The following ZNF823 variants were observed in gnomAD, a reference collection of about 807,000 sequenced individuals.
The protein encoded by ZNF823 is zinc finger protein 823, also known as ZFP 36 for a zinc finger protein.
ZNF823 carries 5 observed loss-of-function variants against 11.4 expected under a neutral mutation model. The observed-to-expected ratio is 0.44, with a 90% CI of 0.23 to 0.92. The LOEUF (loss-of-function observed/expected upper bound fraction) is 0.92, where lower values mean the gene tolerates loss of function less well. ZNF823 is among the 40% of genes least tolerant of loss of function. The pLI is 0.24. For missense variants in ZNF823, 582 were observed against 738.5 expected (o/e 0.79, Z 2.46); for synonymous variants, 234 against 250.5 (o/e 0.93, Z 0.62).
At chr19:11,731,715 A>G (rs1299116217) in intron 1 of ZNF823, among the ~76,000 whole-genome samples, 1 of 152,212 alleles carries the variant, frequency 6.6e-6, no homozygotes, top group East Asian at 1.9e-4. Context: ...CTCTGGTTCA[A>G]TAACTGGCTA....
chr19:11,735,871 C>T (rs1336432741), intron 1 of ZNF823, among the ~76,000 whole-genome samples: 5 of 152,212 alleles, frequency 3.3e-5, no homozygotes, highest in South Asian at 4.1e-4. Flanking sequence ...AGTATCTATC[C>T]GTTTCAGAAA....
In ZNF823 at chr19:11,721,431, A is replaced by G; in HGVS notation, c.*270T>C. 1 of 348,660 alleles carries G rather than the reference A, an allele frequency of 2.9e-6. No homozygotes were observed. 21.6% of individuals were successfully genotyped at this position (348,660 alleles called of 1,614,324 possible). A position where few individuals can be genotyped will look rare whatever the true frequency, so the allele number is the denominator to read the frequency against. Reference sequence around the variant, plus strand: ...TAGCTTTTACAATGCATGAGGTATTAAAAGTCATCTAGAGATGATTTACAC... The same window carrying G: ...TAGCTTTTACAATGCATGAGGTATTGAAAGTCATCTAGAGATGATTTACAC... On this transcript the variant is annotated 3_prime_UTR_variant, in exon 4 of 4. Coordinates refer to ENST00000341191, the MANE Select transcript of ZNF823 (RefSeq NM_001080493.4).
chr19:11,722,783 T>G lies in ZNF823; in HGVS notation c.751A>C (p.Lys251Gln). Residue 251 changes from lysine (K) to glutamine (Q), a missense_variant, in exon 4 of 4, where the codon AAG becomes CAG. Coordinates refer to ENST00000341191, the MANE Select transcript of ZNF823 (RefSeq NM_001080493.4). The surrounding 1 kb of genome is among the most constrained non-coding windows in gnomAD (Gnocchi z 5.2). Reference protein sequence around the residue: ...IHTGEKAYECKQCSKAFPDYS... With the variant: ...IHTGEKAYECQQCSKAFPDYS... ...TCAGGAAAGGCTTTGGAACACTGCTTACATTCATACGCTTTCTCTCCCGTG... is the reference window on the plus strand; with the variant it reads ...TCAGGAAAGGCTTTGGAACACTGCTGACATTCATACGCTTTCTCTCCCGTG... 6.2e-7 allele frequency: 1 copy of G among 1,614,186 alleles called. No homozygotes were observed. The highest frequency in any genetic ancestry group is 2.2e-5 in the East Asian group (1 of 44,884).
At chr19:11,733,220 A>C (rs557578638) in intron 1 of ZNF823, among the ~76,000 whole-genome samples, 1 of 152,050 alleles carries the variant, frequency 6.6e-6, no homozygotes, top group Non-Finnish European at 1.5e-5. Flanking sequence ...TACAAAAATT[A>C]GTTGGGCGTG....
chr19:11,731,634 C>T (rs1974896430), intron 1 of ZNF823, among the ~76,000 whole-genome samples: 1 of 152,192 alleles, frequency 6.6e-6, no homozygotes, highest in African/African-American at 2.4e-5. Context: ...CAGGCCCCCA[C>T]TGCAGATGTC....
intron 1 of ZNF823, among the ~76,000 whole-genome samples, chr19:11,737,990 A>T (rs2145055835): frequency 6.6e-6 from 1 of 152,316 alleles, no homozygotes; most frequent in East Asian, 1.9e-4. Context: ...ACGAGTCTGG[A>T]TTCTGCCTGG....
At chr19:11,726,287 CATAT>C (rs139368397) in intron 1 of ZNF823, among the ~76,000 whole-genome samples, 12,024 of 112,250 alleles carry the variant, frequency 0.11, 1,279 homozygotes, top group African/African-American at 0.25. Flanking sequence ...ATAAAAAATA[CATAT>C]ATATATATAT....
At position 11,721,421 on chromosome 19, in the gene ZNF823, A is replaced by C. The variant is rs1974675211; in HGVS notation, c.*280T>G. On this transcript the variant is annotated 3_prime_UTR_variant, in exon 4 of 4. Coordinates refer to ENST00000341191, the MANE Select transcript of ZNF823 (RefSeq NM_001080493.4). ...ACTATTTACATAGCTTTTACAATGC[A>C]TGAGGTATTAAAAGTCATCTAGAGA... 6.3e-6 allele frequency: 2 copies of C among 315,254 alleles called. No homozygotes were observed. The highest frequency in any genetic ancestry group is 7.2e-5 in the South Asian group (1 of 13,936). 19.5% of individuals were successfully genotyped at this position (315,254 alleles called of 1,614,324 possible).
At chr19:11,723,835 GCT>G (rs1974741376) in intron 3 of ZNF823, among the ~76,000 whole-genome samples, 1 of 152,136 alleles carries the variant, frequency 6.6e-6, no homozygotes, top group South Asian at 2.1e-4. Flanking sequence ...GTGAGCCACC[GCT>G]CCTGGCCCAC....
At position 11,722,241 on chromosome 19, in the gene ZNF823, A is replaced by T. The variant is rs1428956071; in HGVS notation, c.1293T>A (p.Leu431=). 6.2e-6 allele frequency: 10 copies of T among 1,613,738 alleles called. No individual in the cohort carries two copies. Among genetic ancestry groups the T allele is most frequent in the African/African-American group, 1.3e-5 (1 of 74,808 alleles). Residue 431 remains leucine (L), a synonymous_variant, in exon 4 of 4, where the codon CTT becomes CTA. Coordinates refer to ENST00000341191, the MANE Select transcript of ZNF823 (RefSeq NM_001080493.4). The surrounding 1 kb of genome is among the most constrained non-coding windows in gnomAD (Gnocchi z 5.2). The part of the protein sequence containing the change: ...CGKAFSLAGS[L]RRHEATHTGV... Reference sequence around the variant, plus strand: ...CAGTGTGAGTTGCTTCATGTCTTCGAAGGGAACCGGCAAGACTGAAGGCTT... The same window carrying T: ...CAGTGTGAGTTGCTTCATGTCTTCGTAGGGAACCGGCAAGACTGAAGGCTT...
rs1198630817 is a variant in ZNF823 at position 11,726,062 on chromosome 19, T to C, written c.4-735A>G. On this transcript the variant is annotated intron_variant, in intron 1 of 3. Coordinates refer to ENST00000341191, the MANE Select transcript of ZNF823 (RefSeq NM_001080493.4). The stretch of plus-strand genomic sequence containing the variant: ...GGGAAACATGGTGAGACCTTGTCTC[T>C]ATAAAAAATACAAAAAAAAAAAAAA... 5.3e-5 allele frequency: 6 copies of C among 114,158 alleles called. No homozygotes were observed. In the Admixed American group the frequency reaches 6.0e-4, roughly 11 times the overall value. 7.1% of individuals were successfully genotyped at this position (114,158 alleles called of 1,614,324 possible).
rs757701189 is a variant in ZNF823 at position 11,723,243 on chromosome 19, T to C, written c.291A>G (p.Pro97=). The part of the protein sequence containing the change: ...IVNKNTPRVN[P]CDSGECGEVV... ...CTTCTCCACACTCACCACTGTCACA[T>C]GGATTTACTCGAGGAGTGTTCTTGT... The change falls in exon 4 of 4, where the codon CCA becomes CCG. Residue 97 remains proline, a synonymous_variant. Transcript: ENST00000341191. 8.1e-6 allele frequency: 13 copies of C among 1,614,018 alleles called. No homozygotes were observed. The highest frequency in any genetic ancestry group is 4.0e-5 in the African/African-American group (3 of 74,946).
intron 1 of ZNF823, among the ~76,000 whole-genome samples, chr19:11,728,702 T>C (rs1974840151): frequency 6.6e-6 from 1 of 152,146 alleles, no homozygotes; most frequent in Non-Finnish European, 1.5e-5. Flanking sequence ...TAGAATCATA[T>C]AGAATGCTCA....
chr19:11,723,059 T>G lies in ZNF823; in HGVS notation c.475A>C (p.Thr159Pro). The G allele has an allele frequency of 1.2e-6, 2 of 1,614,182 alleles. No individual in the cohort carries two copies. Among genetic ancestry groups the G allele is most frequent in the Non-Finnish European group, 1.7e-6 (2 of 1,180,018 alleles). ...TTACAATCGAAGGGTTTCTTTCCGG[T>G]GGGGGGCCTTTCATGTGTCTGGAAG... ...HSFQTHERPP[T>P]GKKPFDCKEC... Residue 159 changes from threonine to proline, a missense_variant, in exon 4 of 4, where the codon ACC (threonine) becomes CCC (proline). By Grantham distance (38) the Thr-to-Pro change is conservative. Transcript: ENST00000341191.
Position 11,721,937 on chromosome 19 carries a change from C to T in ZNF823, c.1597G>A (p.Gly533Arg), listed in dbSNP as rs1378291637. 1.2e-6 allele frequency: 2 copies of T among 1,614,042 alleles called. No individual in the cohort carries two copies. Among genetic ancestry groups the T allele is most frequent in the Admixed American group, 1.7e-5 (1 of 59,988 alleles). The change falls in exon 4 of 4, where the codon GGA becomes AGA. Residue 533 changes from glycine to arginine, a missense_variant. This residue lies in a region of ZNF823 where 144 missense variants were observed against 154.3 expected (regional missense o/e 0.93). Transcript: ENST00000341191. Reference sequence around the variant, plus strand: ...CAAGTGAGCCAAGAGAATGCTTTTCCACATTCCTTACATTCATATGGCTTC... The same window carrying T: ...CAAGTGAGCCAAGAGAATGCTTTTCTACATTCCTTACATTCATATGGCTTC... ...GEKPYECKEC[G>R]KAFSWLTCLL...
rs777707856 is a variant in ZNF823 at position 11,724,322 on chromosome 19, C to T, written c.131-68G>A. On this transcript the variant is annotated intron_variant, in intron 2 of 3. Coordinates refer to ENST00000341191, the MANE Select transcript of ZNF823 (RefSeq NM_001080493.4). ...ATTATAGAAAAACTCTAAGATTTTA[C>T]GCGTACTGCAATCATGCATGATTCA... The T allele has an allele frequency of 1.1e-4, 148 of 1,397,468 alleles. 2 individuals carry two copies. The South Asian group carries it at 1.5e-3, about 14-fold the overall frequency. The allele number at this position is 1,397,468 out of a possible 1,614,324, so 86.6% of individuals were successfully genotyped here.
rs776061772 is a variant in ZNF823, at chr19:11,725,235, G to C, written c.96C>G (p.Val32=). 2.4e-5 allele frequency: 38 copies of C among 1,613,876 alleles called. No individual in the cohort carries two copies. Among genetic ancestry groups the C allele is most frequent in the East Asian group, 1.1e-4 (5 of 44,888 alleles). ...CCAGGTTCCTAATGGTTTCCTGCAT[G>C]ACATTTCTGTAGAGACTCTTCTGTG... ...GPSQKSLYRN[V]MQETIRNLDC... is the part of the protein sequence containing the mutation. The change falls in exon 2 of 4, where the codon GTC becomes GTG. Residue 32 remains valine (V), a synonymous_variant. Coordinates refer to ENST00000341191, the MANE Select transcript of ZNF823 (RefSeq NM_001080493.4).
At position 11,722,182 on chromosome 19, in the gene ZNF823, G is replaced by A; in HGVS notation, c.1352C>T (p.Ala451Val). Residue 451 changes from alanine to valine, a missense_variant, in exon 4 of 4, where the codon GCC becomes GTC. By Grantham distance (64) the Ala-to-Val change is moderately conservative (BLOSUM62 0). Transcript: ENST00000341191. This position sits in a 1 kb window ranked among gnomAD's most constrained non-coding sequence, Gnocchi z 5.2. ...VKPYKCQCGK[A>V]FSDLSSFQNH... The stretch of plus-strand genomic sequence containing the variant: ...TTGAAAGGAAGAGAGATCACTAAAG[G>A]CTTTCCCACACTGACATTTATAGGG... 1 of 1,613,938 alleles carries A rather than the reference G, an allele frequency of 6.2e-7. No individual in the cohort carries two copies. Among genetic ancestry groups the A allele is most frequent in the Non-Finnish European group, 8.5e-7 (1 of 1,179,994 alleles).
intron 1 of ZNF823, chr19:11,730,859 G>A (rs1001366442): frequency 6.6e-6 from 1 of 151,914 alleles, no homozygotes; most frequent in Non-Finnish European, 1.5e-5. Flanking sequence ...AGCATTTGGG[G>A]ACAAAAACAA....
Sources: allele counts gnomAD v4.1 joint callset (sites outside exome capture counted in the v4.1 genomes callset), GRCh38; gene constraint gnomAD v4.1.1; regional missense constraint gnomAD v4.1.1; non-coding constraint Gnocchi (gnomAD v3.1); transcripts MANE v1.5; gene names NCBI Gene and HGNC (gene_info 2026-07-23, HGNC 2026-07-21).